Variants in KCTD8 observed in about 807,000 individuals in gnomAD.
KCTD8 encodes BTB/POZ domain-containing protein KCTD8.
KCTD8 carries 27 observed loss-of-function variants against 31.5 expected under a neutral mutation model. The ratio of observed to expected loss-of-function variants is 0.86; its 90% CI spans 0.63 to 1.18. The LOEUF is 1.18. KCTD8 is among the 50% of genes most tolerant of loss of function. The pLI, the probability that KCTD8 is intolerant of heterozygous loss-of-function variation, is 0.00. For synonymous variants in KCTD8, 290 were observed against 280.0 expected, an observed-to-expected ratio of 1.04 and a Z score of -0.36; for missense variants, 658 against 647.7, an observed-to-expected ratio of 1.02 and a Z score of -0.17.
At chr4:44,216,922 T>G (rs1169712818) in intron 1 of KCTD8, among the ~76,000 whole-genome samples, 2 of 152,214 alleles carry the variant, frequency 1.3e-5, no homozygotes, top group African/African-American at 4.8e-5. Context: ...AGATGCATCT[T>G]TCTTGGTCTA....
intron 1 of KCTD8, among the ~76,000 whole-genome samples, chr4:44,371,346 C>A (rs1002348100): frequency 2.6e-5 from 4 of 152,118 alleles, no homozygotes; most frequent in African/African-American, 9.7e-5. Context: ...TTAGCCCAGT[C>A]AAGTTGACAA....
At chr4:44,228,815 T>C (rs1027642730) in intron 1 of KCTD8, among the ~76,000 whole-genome samples, 1 of 152,226 alleles carries the variant, frequency 6.6e-6, no homozygotes, top group Non-Finnish European at 1.5e-5. Flanking sequence ...GTGTAGTGAC[T>C]TATACATTAA....
rs893936225 is a variant in KCTD8 at position 44,378,179 on chromosome 4, G to A, written c.961+69384C>T. On this transcript the variant is annotated intron_variant, in intron 1 of 1. Coordinates refer to ENST00000360029, the MANE Select transcript of KCTD8 (RefSeq NM_198353.3). ...TAAGCCCTCCCATACTTTTCCCTAC[G>A]GACTGAAATAAAAAATACATACATA... Among the ~76,000 whole-genome samples the A allele has an allele frequency of 6.3e-4, 91 of 144,768 alleles. 1 individual carries two copies. The highest frequency in any genetic ancestry group is 5.3e-3 in the Admixed American group (76 of 14,370). The allele number at this position is 144,768 out of a possible 152,430, so 95.0% of individuals were successfully genotyped here.
intron 1 of KCTD8, among the ~76,000 whole-genome samples, chr4:44,269,555 T>C (rs1435712797): frequency 6.6e-6 from 1 of 151,664 alleles, no homozygotes; most frequent in African/African-American, 2.4e-5. Flanking sequence ...CTAATTAAAC[T>C]AAAGAGCTTC....
intron 1 of KCTD8, among the ~76,000 whole-genome samples, chr4:44,329,335 T>G (rs1157688913): frequency 6.6e-6 from 1 of 150,600 alleles, no homozygotes; most frequent in African/African-American, 2.5e-5. Context: ...GAGAGAGTAT[T>G]TTTCTTTATC....
At chr4:44,284,654 C>A (rs911966757) in intron 1 of KCTD8, among the ~76,000 whole-genome samples, 1 of 152,076 alleles carries the variant, frequency 6.6e-6, no homozygotes, top group African/African-American at 2.4e-5. Context: ...TTCTGCACAG[C>A]AAAAGAAACT....
At chr4:44,375,810 T>C (rs1207297216) in intron 1 of KCTD8, among the ~76,000 whole-genome samples, 1 of 152,112 alleles carries the variant, frequency 6.6e-6, no homozygotes, top group African/African-American at 2.4e-5. Flanking sequence ...CAAAACCATA[T>C]TGTTTGCCTG....
chr4:44,366,145 G>A (rs1264969583), intron 1 of KCTD8, among the ~76,000 whole-genome samples: 2 of 151,988 alleles, frequency 1.3e-5, no homozygotes, highest in East Asian at 3.9e-4. Flanking sequence ...TACTTCTTAA[G>A]AATGTACGAC....
chr4:44,382,050 C>T (rs530112271), intron 1 of KCTD8, among the ~76,000 whole-genome samples: 5 of 151,872 alleles, frequency 3.3e-5, no homozygotes, highest in Non-Finnish European at 7.4e-5. Flanking sequence ...TATAGGTACC[C>T]CGAACAGGAG....
chr4:44,281,297 T>A (rs4521380), intron 1 of KCTD8, among the ~76,000 whole-genome samples: 1,657 of 152,204 alleles, frequency 0.011, 36 homozygotes, highest in African/African-American at 0.038. Context: ...TGCAAAAGAG[T>A]AAAATTTATG....
intron 1 of KCTD8, among the ~76,000 whole-genome samples, chr4:44,244,192 C>A (rs1458014308): frequency 6.6e-6 from 1 of 152,192 alleles, no homozygotes; most frequent in African/African-American, 2.4e-5. Context: ...TTCTGTTATT[C>A]ATGCTTTTCC....
chr4:44,371,253 T>G (rs1719778602), intron 1 of KCTD8, among the ~76,000 whole-genome samples: 2 of 152,220 alleles, frequency 1.3e-5, no homozygotes, highest in Non-Finnish European at 2.9e-5. Context: ...CTGCTTTACC[T>G]GCTCAACCTT....
intron 1 of KCTD8, chr4:44,293,711 C>A (rs1717344985): frequency 4.7e-6 from 2 of 422,472 alleles, no homozygotes; most frequent in Non-Finnish European, 9.4e-6. Context: ...ACCCAAGAAC[C>A]TTGTAAACAC....
chr4:44,297,389 A>T (rs575030420), intron 1 of KCTD8, among the ~76,000 whole-genome samples: 2 of 152,086 alleles, frequency 1.3e-5, no homozygotes, highest in Non-Finnish European at 2.9e-5. Context: ...TGTTTCTCAG[A>T]TGTATATTTT....
intron 1 of KCTD8, among the ~76,000 whole-genome samples, chr4:44,228,061 C>A (rs1198113662): frequency 6.6e-6 from 1 of 152,178 alleles, no homozygotes; most frequent in Non-Finnish European, 1.5e-5. Flanking sequence ...CCATTGCAGT[C>A]ATGATTTGGC....
chr4:44,199,377 T>C (rs2109338490), intron 1 of KCTD8, among the ~76,000 whole-genome samples: 1 of 152,204 alleles, frequency 6.6e-6, no homozygotes, highest in African/African-American at 2.4e-5. Flanking sequence ...ACTTAGAACG[T>C]ATTCAAAAAT....
chr4:44,369,083 G>A (rs138843251), intron 1 of KCTD8, among the ~76,000 whole-genome samples: 133 of 152,288 alleles, frequency 8.7e-4, no homozygotes, highest in African/African-American at 3.1e-3. Flanking sequence ...CGTGGAATGA[G>A]AAGGTTCCTT....
At chr4:44,411,443 A>T (rs1720954549) in intron 1 of KCTD8, among the ~76,000 whole-genome samples, 1 of 151,836 alleles carries the variant, frequency 6.6e-6, no homozygotes, top group Non-Finnish European at 1.5e-5. Context: ...TTATATTCAT[A>T]TAATCATTAT....
At chr4:44,270,408 G>A (rs1482850389) in intron 1 of KCTD8, among the ~76,000 whole-genome samples, 1 of 138,734 alleles carries the variant, frequency 7.2e-6, no homozygotes, top group Non-Finnish European at 1.6e-5. Flanking sequence ...GGGGGAGGGA[G>A]GAGGGATAGC....
Sources: allele counts gnomAD v4.1 joint callset (sites outside exome capture counted in the v4.1 genomes callset), GRCh38; gene constraint gnomAD v4.1.1; transcripts MANE v1.5; gene names NCBI Gene and HGNC (gene_info 2026-07-23, HGNC 2026-07-21).